Variants in GGTA1 observed in about 807,000 individuals in gnomAD.
The protein encoded by GGTA1 is glycoprotein alpha-galactosyltransferase 1 (inactive), also known as inactive N-acetyllactosaminide alpha-1,3-galactosyltransferase.
Under a neutral mutation model 2.6 loss-of-function variants are expected in GGTA1, and 5 were observed. That is an observed-to-expected ratio of 1.92 (90% confidence interval 1.00 to 4.04). The LOEUF (loss-of-function observed/expected upper bound fraction) is 4.04, where lower values mean the gene tolerates loss of function less well. Ranked by LOEUF, GGTA1 falls within the 30% of genes most tolerant of loss-of-function variation. The pLI, the probability that GGTA1 is intolerant of heterozygous loss-of-function variation, is 0.00. For synonymous variants in GGTA1, 17 were observed against 5.0 expected, an observed-to-expected ratio of 3.38 and a Z score of -3.19; for missense variants, 50 against 16.7, an observed-to-expected ratio of 2.99 and a Z score of -3.47.
intron 2 of GGTA1, among the ~76,000 whole-genome samples, chr9:121,466,805 TA>T (rs1443925431): frequency 6.6e-6 from 1 of 151,928 alleles, no homozygotes; most frequent in African/African-American, 2.4e-5. Context: ...ATACAAAAAT[TA>T]GCTGGGCGTG....
At position 121,455,643 on chromosome 9, in the gene GGTA1, C is replaced by T. The variant is rs1009132735; in HGVS notation, c.*194G>A. 4.4e-6 allele frequency: 1 copy of T among 226,018 alleles called. No individual in the cohort carries two copies. The highest frequency in any genetic ancestry group is 2.3e-5 in the African/African-American group (1 of 44,196). 14.0% of individuals were successfully genotyped at this position (226,018 alleles called of 1,614,324 possible). A position where few individuals can be genotyped will look rare whatever the true frequency, so the allele number is the denominator to read the frequency against. On this transcript the variant is annotated 3_prime_UTR_variant, in exon 6 of 6. Coordinates refer to ENST00000481799, the MANE Select transcript of GGTA1 (RefSeq NM_001382585.1). ...TCCCCTGACCCACATTTCCCAGTTC[C>T]CTGCTCTATACCAGGTCATCCTGCT...
chr9:121,492,290 C>T (rs1284903811), intron 1 of GGTA1, among the ~76,000 whole-genome samples: 1 of 151,902 alleles, frequency 6.6e-6, no homozygotes, highest in Non-Finnish European at 1.5e-5. Context: ...AGGCGTTGCT[C>T]AGAGAGAAGC....
At chr9:121,461,671 A>G (rs75779785) in intron 3 of GGTA1, among the ~76,000 whole-genome samples, 3,176 of 152,276 alleles carry the variant, frequency 0.021, 52 homozygotes, top group Non-Finnish European at 0.028. Context: ...CCCTCTCTGA[A>G]TTTTGACTTT....
At chr9:121,451,709 A>C (rs2064879256), downstream of GGTA1, among the ~76,000 whole-genome samples, 1 of 152,156 alleles carries the variant, frequency 6.6e-6, no homozygotes, top group South Asian at 2.1e-4. Flanking sequence ...TGCTTAGGTC[A>C]CTCAGCACCT....
exon 8 of GGTA1, chr9:121,447,282 C>T (rs2064856507): frequency 6.6e-6 from 1 of 152,634 alleles, no homozygotes; most frequent in East Asian, 1.9e-4. Context: ...GTAGCTGAGC[C>T]ACTGACTGGC....
chr9:121,469,428 A>C, intron 1 of GGTA1, among the ~76,000 whole-genome samples: 1 of 152,152 alleles, frequency 6.6e-6, no homozygotes, highest in East Asian at 1.9e-4. Context: ...GGACAGGGCA[A>C]ATAGACGATG....
exon 8 of GGTA1, chr9:121,445,117 A>G (rs565978710): frequency 3.9e-5 from 6 of 152,336 alleles, no homozygotes; most frequent in Middle Eastern, 3.4e-3. Flanking sequence ...TAAAAAAATC[A>G]AGAAATTCCT....
At chr9:121,478,357 C>A (rs1000442822) in intron 1 of GGTA1, among the ~76,000 whole-genome samples, 1 of 152,180 alleles carries the variant, frequency 6.6e-6, no homozygotes, top group South Asian at 2.1e-4. Flanking sequence ...ATGGTCAGTG[C>A]GGTGGCCTTA....
intron 1 of GGTA1, among the ~76,000 whole-genome samples, chr9:121,481,152 C>CA (rs56784223): frequency 0.012 from 974 of 78,032 alleles, 8 homozygotes; most frequent in East Asian, 0.027. Flanking sequence ...GACACCATCT[C>CA]AAAAAAAAAA....
At chr9:121,458,838 AAGTACCAC>A (rs2064935992) in intron 5 of GGTA1, among the ~76,000 whole-genome samples, 2 of 152,076 alleles carry the variant, frequency 1.3e-5, no homozygotes, top group Admixed American at 1.3e-4. Flanking sequence ...AGCAAAGAAC[AAGTACCAC>A]AGTAAAATTG....
chr9:121,470,169 T>TA (rs1490908345), intron 1 of GGTA1, among the ~76,000 whole-genome samples: 9 of 152,254 alleles, frequency 5.9e-5, no homozygotes, highest in African/African-American at 1.9e-4. Context: ...GACCATCACA[T>TA]AAAAGAATAC....
chr9:121,492,496 G>A (rs908903290), intron 1 of GGTA1, among the ~76,000 whole-genome samples: 2 of 151,910 alleles, frequency 1.3e-5, no homozygotes, highest in Non-Finnish European at 2.9e-5. Flanking sequence ...TTTTTGAGAC[G>A]GAGTTTCGCT....
intron 2 of GGTA1, 112 bp downstream of exon 2, chr9:121,467,731 A>T: frequency 2.7e-6 from 1 of 368,388 alleles, no homozygotes; most frequent in Non-Finnish European, 5.4e-6. Flanking sequence ...TCCCTTATTT[A>T]TGGTTTTAGT....
At chr9:121,459,444 T>C (rs550790756) in intron 5 of GGTA1, among the ~76,000 whole-genome samples, 6 of 152,066 alleles carry the variant, frequency 3.9e-5, no homozygotes, top group African/African-American at 1.4e-4. Context: ...TCAAAATGAA[T>C]AAAAATTAAA....
At chr9:121,466,264 A>G (rs2065004436) in intron 2 of GGTA1, among the ~76,000 whole-genome samples, 1 of 152,112 alleles carries the variant, frequency 6.6e-6, no homozygotes, top group Non-Finnish European at 1.5e-5. Flanking sequence ...ACAAGAACAG[A>G]GTGGCTGAGC....
intron 1 of GGTA1, among the ~76,000 whole-genome samples, chr9:121,487,793 A>G (rs1159243111): frequency 6.6e-6 from 1 of 150,528 alleles, no homozygotes; most frequent in East Asian, 2.1e-4. Context: ...CCAGCTCACT[A>G]CAACCTCCAC....
intron 1 of GGTA1, among the ~76,000 whole-genome samples, chr9:121,496,757 A>AAAAAAAAAAAAAG (rs1554838784): frequency 1.6e-4 from 18 of 111,898 alleles, no homozygotes; most frequent in African/African-American, 5.0e-4. Flanking sequence ...AAAAAAAAAA[A>AAAAAAAAAAAAAG]AGAGAGAGAG....
chr9:121,445,976 A>G (rs2064850517), exon 8 of GGTA1: 1 of 152,236 alleles, frequency 6.6e-6, no homozygotes, highest in Non-Finnish European at 1.5e-5. Flanking sequence ...CTCTGACACC[A>G]TCCACATCTC....
chr9:121,457,251 A>G (rs114420446), intron 5 of GGTA1, among the ~76,000 whole-genome samples: 3,874 of 152,302 alleles, frequency 0.025, 151 homozygotes, highest in African/African-American at 0.082. Context: ...TGAGAAATCC[A>G]TTCTGGCCAT....
Sources: gnomAD v4.1 joint callset for allele counts (sites outside exome capture counted in the v4.1 genomes callset) on GRCh38, gnomAD v4.1.1 for gene constraint, MANE v1.5 for transcripts, NCBI Gene and HGNC (gene_info 2026-07-23, HGNC 2026-07-21) for gene names.